BTBD9: variants seen among roughly 807,000 people sequenced by gnomAD.
BTBD9 encodes BTB/POZ domain-containing protein 9.
A neutral mutation model predicts 64.3 loss-of-function variants in BTBD9; 49 were observed. That is an observed-to-expected ratio of 0.76 (90% CI 0.61 to 0.97). The LOEUF (loss-of-function observed/expected upper bound fraction) is 0.97. Ranked by LOEUF, BTBD9 falls within the 50% of genes least tolerant of loss-of-function variation. BTBD9 has a pLI of 0.00. For synonymous variants in BTBD9, 260 were observed against 274.7 expected, an observed-to-expected ratio of 0.95 and a Z score of 0.53; for missense variants, 598 against 762.1, an observed-to-expected ratio of 0.78 and a Z score of 2.53.
chr6:38,495,164 T>C (rs1316174302), intron 6 of BTBD9, among the ~76,000 whole-genome samples: 1 of 152,210 alleles, frequency 6.6e-6, no homozygotes, highest in African/African-American at 2.4e-5. Flanking sequence ...TTGCATCTTG[T>C]TTCCACCGCT....
intron 6 of BTBD9, among the ~76,000 whole-genome samples, chr6:38,443,084 T>C (rs1769114060): frequency 6.6e-6 from 1 of 152,214 alleles, no homozygotes; most frequent in African/African-American, 2.4e-5. Context: ...AGTATTGACT[T>C]GGCAGGCAAA....
At chr6:38,632,280 T>C (rs1215545352) in intron 1 of BTBD9, among the ~76,000 whole-genome samples, 2 of 152,254 alleles carry the variant, frequency 1.3e-5, no homozygotes, top group African/African-American at 4.8e-5. Context: ...AAATTAACTA[T>C]CATTTACAAA....
intron 7 of BTBD9, among the ~76,000 whole-genome samples, chr6:38,336,438 G>C (rs535139271): frequency 6.6e-5 from 10 of 152,298 alleles, no homozygotes; most frequent in South Asian, 2.1e-4. Context: ...GGCAGAAGGG[G>C]AAGGAGAAGA....
intron 6 of BTBD9, among the ~76,000 whole-genome samples, chr6:38,555,369 G>A (rs989631708): frequency 1.3e-5 from 2 of 152,036 alleles, no homozygotes; most frequent in African/African-American, 4.8e-5. Context: ...ACAATTACCT[G>A]AAAAAGGACA....
In BTBD9 at chr6:38,565,568, T is replaced by C. The variant is rs181033739; in HGVS notation, c.1154+12032A>G. Among the ~76,000 whole-genome samples, 8 of 152,140 alleles carry C rather than the reference T, an allele frequency of 5.3e-5. No homozygotes were observed. In the East Asian group the frequency reaches 1.5e-3, roughly 29 times the overall value. On this transcript the variant is annotated intron_variant, in intron 6 of 10. Coordinates refer to ENST00000481247, the MANE Select transcript of BTBD9 (RefSeq NM_001099272.2). ...ATATCTATCAACAACAAGTGCACAG[T>C]TGTTTAATTTTTACAAATAATGAAA...
At chr6:38,456,562 G>GT (rs373880396) in intron 6 of BTBD9, among the ~76,000 whole-genome samples, 11 of 152,022 alleles carry the variant, frequency 7.2e-5, no homozygotes, top group African/African-American at 2.4e-4. Flanking sequence ...TCTTATTATG[G>GT]TTTTTGTTAT....
At chr6:38,327,876 G>A (rs979916728) in intron 7 of BTBD9, among the ~76,000 whole-genome samples, 3 of 152,016 alleles carry the variant, frequency 2.0e-5, no homozygotes, top group Non-Finnish European at 2.9e-5. Flanking sequence ...CAGGTGTATC[G>A]CCACATTTCA....
chr6:38,629,235 GC>G (rs1409794310), intron 1 of BTBD9, among the ~76,000 whole-genome samples: 1 of 152,148 alleles, frequency 6.6e-6, no homozygotes, highest in Non-Finnish European at 1.5e-5. Flanking sequence ...CATCAATGAA[GC>G]CTAAAACTAG....
intron 9 of BTBD9, among the ~76,000 whole-genome samples, chr6:38,200,540 C>G (rs6924088): frequency 0.81 from 123,833 of 152,102 alleles, 50,500 homozygotes; most frequent in East Asian, 0.96. Flanking sequence ...ACCAAGAAGA[C>G]AGAAGACCCA....
chr6:38,580,587 T>A, intron 4 of BTBD9, 150 bp from the exon 5 acceptor site: 1 of 705,172 alleles, frequency 1.4e-6, no homozygotes, highest in South Asian at 1.9e-5. Flanking sequence ...ATACAGAACA[T>A]CTATGAGGAT....
chr6:38,562,851 T>A (rs1044500235), intron 6 of BTBD9, among the ~76,000 whole-genome samples: 11 of 152,216 alleles, frequency 7.2e-5, no homozygotes, highest in Non-Finnish European at 1.6e-4. Flanking sequence ...GCTGGCTCAA[T>A]GGGTGTATGC....
At position 38,505,964 on chromosome 6, in the gene BTBD9, C is replaced by CAAAAAAAAAAAAAAAAAAAAAAAAA. The variant is rs59014161; in HGVS notation, c.1154+71635_1154+71636insTTTTTTTTTTTTTTTTTTTTTTTTT. 7.3e-5 allele frequency among the ~76,000 whole-genome samples: 6 copies of CAAAAAAAAAAAAAAAAAAAAAAAAA among 82,654 alleles called. 1 individual carries two copies. The highest frequency in any genetic ancestry group is 2.5e-4 in the African/African-American group (6 of 24,458). 54.2% of individuals were successfully genotyped at this position (82,654 alleles called of 152,430 possible). A position where few individuals can be genotyped will look rare whatever the true frequency, so the allele number is the denominator to read the frequency against. ...TGGCAACAGCATGGCTCCGTCTCAA[C>CAAAAAAAAAAAAAAAAAAAAAAAAA]AAAAAAAAAAAAAAAAAAAAGGAAC... is the stretch of plus-strand genomic sequence containing the variant. On this transcript the variant is annotated intron_variant, in intron 6 of 10. Transcript: ENST00000481247.
chr6:38,367,653 C>G (rs1382355582), intron 6 of BTBD9, among the ~76,000 whole-genome samples: 1 of 152,022 alleles, frequency 6.6e-6, no homozygotes, highest in Non-Finnish European at 1.5e-5. Context: ...TCTCAGACCA[C>G]AAATGGTGCT....
At chr6:38,466,590 G>C (rs895618363) in intron 6 of BTBD9, among the ~76,000 whole-genome samples, 2 of 151,604 alleles carry the variant, frequency 1.3e-5, no homozygotes, top group Non-Finnish European at 2.9e-5. Context: ...TACCGCACCC[G>C]GCCCTTTTTC....
rs563040293 is a variant in BTBD9, at chr6:38,264,733, C to T, written c.1455-8217G>A. Among the ~76,000 whole-genome samples, 11 of 152,284 alleles carry T rather than the reference C, an allele frequency of 7.2e-5. No individual in the cohort carries two copies. In the South Asian group the frequency reaches 2.3e-3, roughly 32 times the overall value. On this transcript the variant is annotated intron_variant, in intron 8 of 10. Coordinates refer to ENST00000481247, the MANE Select transcript of BTBD9 (RefSeq NM_001099272.2). ...AGCAAGGTCCAGCTGAGAAGAGCTG[C>T]TGGAGGACGCTGAGTCCAAAATGAG... is the stretch of plus-strand genomic sequence containing the variant.
chr6:38,512,386 T>C (rs1772816697), intron 6 of BTBD9, among the ~76,000 whole-genome samples: 1 of 152,238 alleles, frequency 6.6e-6, no homozygotes, highest in Admixed American at 6.5e-5. Flanking sequence ...ATTAATTAGG[T>C]GTCAACATTT....
intron 10 of BTBD9, among the ~76,000 whole-genome samples, chr6:38,191,545 C>G (rs1457967553): frequency 6.6e-6 from 1 of 152,250 alleles, no homozygotes; most frequent in Non-Finnish European, 1.5e-5. Flanking sequence ...CCCTGCCGGC[C>G]AGTGTAGCCC....
rs1257170559 is a variant in BTBD9 at position 38,168,727 on chromosome 6, G to A, written c.*6258C>T. ...GCCCTTGCATCAGAGTGGCCTGGGA[G>A]GTACACACATCTTTACAGGCCCAGA... On this transcript the variant is annotated 3_prime_UTR_variant, in exon 11 of 11. Coordinates refer to ENST00000481247, the MANE Select transcript of BTBD9 (RefSeq NM_001099272.2). The A allele has an allele frequency of 6.6e-6, 1 of 152,250 alleles. No homozygotes were observed. Among genetic ancestry groups the A allele is most frequent in the Non-Finnish European group, 1.5e-5 (1 of 68,056 alleles). 9.4% of individuals were successfully genotyped at this position (152,250 alleles called of 1,614,324 possible).
intron 7 of BTBD9, among the ~76,000 whole-genome samples, chr6:38,335,807 C>A (rs958645850): frequency 6.6e-6 from 1 of 152,156 alleles, no homozygotes; most frequent in Non-Finnish European, 1.5e-5. Flanking sequence ...AATCTTGGCT[C>A]ACCGCAACCT....
Sources: allele counts gnomAD v4.1 joint callset (sites outside exome capture counted in the v4.1 genomes callset), GRCh38; gene constraint gnomAD v4.1.1; transcripts MANE v1.5; gene names NCBI Gene and HGNC (gene_info 2026-07-23, HGNC 2026-07-21).